Variants in ZFHX3 observed in about 807,000 individuals in gnomAD.
ZFHX3 encodes the protein zinc finger homeobox protein 3.
In ZFHX3, 42 loss-of-function variants were observed where a neutral mutation model predicts 279.1. The ratio of observed to expected loss-of-function variants is 0.15; its 90% CI spans 0.12 to 0.19. The LOEUF (loss-of-function observed/expected upper bound fraction) is 0.19, where lower values mean the gene tolerates loss of function less well. Among genes scored for constraint, ZFHX3 ranks in the 10% least tolerant of loss-of-function variants. The pLI, the probability that ZFHX3 is intolerant of heterozygous loss-of-function variation, is 1.00. For missense variants in ZFHX3, 4,981 were observed against 4,754.0 expected, an observed-to-expected ratio of 1.05 and a Z score of -1.40; for synonymous variants, 2,293 against 1,957.8, an observed-to-expected ratio of 1.17 and a Z score of -4.52.
chr16:73,064,064 G>A (rs1006798422), upstream of ZFHX3, among the ~76,000 whole-genome samples: 1 of 152,134 alleles, frequency 6.6e-6, no homozygotes, highest in African/African-American at 2.4e-5. Flanking sequence ...CCACGAGGAT[G>A]GCATTTAGGA....
At chr16:73,570,004 C>T (rs878903602) in intron 2 of ZFHX3, among the ~76,000 whole-genome samples, 3 of 152,186 alleles carry the variant, frequency 2.0e-5, no homozygotes, top group African/African-American at 7.2e-5. Context: ...CCAAGCTTTC[C>T]TTAAAAAACA....
chr16:73,760,357 G>A (rs2053851676), intron 1 of ZFHX3, among the ~76,000 whole-genome samples: 1 of 152,040 alleles, frequency 6.6e-6, no homozygotes, highest in African/African-American at 2.4e-5. Context: ...TTTACCAGAG[G>A]TACAAAAAGG....
chr16:73,773,868 T>G (rs2054047738), intron 1 of ZFHX3, among the ~76,000 whole-genome samples: 1 of 152,158 alleles, frequency 6.6e-6, no homozygotes, highest in African/African-American at 2.4e-5. Flanking sequence ...CCAGATGCAG[T>G]GGCTCATGCC....
intron 2 of ZFHX3, among the ~76,000 whole-genome samples, chr16:73,507,654 C>A (rs977947474): frequency 2.0e-5 from 3 of 151,944 alleles, no homozygotes; most frequent in Non-Finnish European, 4.4e-5. Context: ...CGCCACCATG[C>A]CTGGCTGATT....
chr16:73,591,691 T>TA (rs1567527637), intron 2 of ZFHX3, among the ~76,000 whole-genome samples: 1 of 5,510 alleles, frequency 1.8e-4, no homozygotes, highest in Non-Finnish European at 3.7e-4. Context: ...AGACTCTGTC[T>TA]CAAAAAAAAA....
In ZFHX3 at chr16:73,653,440, T is replaced by G. The variant is rs920625438; in HGVS notation, c.-1547+26740A>C. Among the ~76,000 whole-genome samples the G allele has an allele frequency of 3.3e-5, 5 of 152,076 alleles. No individual in the cohort carries two copies. In the East Asian group the frequency reaches 9.6e-4, roughly 29 times the overall value. ...AGAAATCATTAAACAAAAATAAAAC[T>G]AGAAAATCTCCCATCAGTTTGGAAA... On this transcript the variant is annotated intron_variant, in intron 2 of 17. Coordinates refer to the ZFHX3 transcript ENST00000641206.
rs139179739 is a variant in ZFHX3 at position 73,260,720 on chromosome 16, T to C, written c.-1193-3584A>G. On this transcript the variant is annotated intron_variant, in intron 4 of 17. Coordinates refer to the ZFHX3 transcript ENST00000641206. ...TTTTTTTTTTTTTGAGATGGAGCTT[T>C]GCTCTTGCCGCCCAGGCTGGAGTGC... is the stretch of plus-strand genomic sequence containing the variant. Among the ~76,000 whole-genome samples, 1,121 of 143,554 alleles carry C rather than the reference T, an allele frequency of 7.8e-3. 19 individuals carry two copies. The highest frequency in any genetic ancestry group is 0.026 in the South Asian group (112 of 4,302). 94.2% of individuals were successfully genotyped at this position (143,554 alleles called of 152,430 possible). A position where few individuals can be genotyped will look rare whatever the true frequency, so the allele number is the denominator to read the frequency against.
At chr16:72,840,374 ATACAAGAAC>A (rs1194243715) in intron 4 of ZFHX3, among the ~76,000 whole-genome samples, 1 of 152,204 alleles carries the variant, frequency 6.6e-6, no homozygotes, top group African/African-American at 2.4e-5. Flanking sequence ...GATGCAATCT[ATACAAGAAC>A]GACAGCCAGG....
At chr16:73,510,460 A>G (rs1340858381) in intron 2 of ZFHX3, among the ~76,000 whole-genome samples, 1 of 152,220 alleles carries the variant, frequency 6.6e-6, no homozygotes, top group Non-Finnish European at 1.5e-5. Context: ...CCATAACTAT[A>G]ACATCAATCA....
rs567919597 is a variant in ZFHX3, at chr16:73,580,075, T to C, written c.-1547+100105A>G. Among the ~76,000 whole-genome samples the C allele has an allele frequency of 6.4e-4, 97 of 151,072 alleles. 2 individuals carry two copies. In the South Asian group the frequency reaches 0.019, roughly 29 times the overall value. ...CTGTTATAAATATTAAATGAAAGCA[T>C]CCTGTCTTTAGTATTATGAAGAAAT... On this transcript the variant is annotated intron_variant, in intron 2 of 17. Transcript: ENST00000641206.
intron 3 of ZFHX3, among the ~76,000 whole-genome samples, chr16:73,387,661 A>C (rs1452124038): frequency 1.3e-5 from 2 of 152,076 alleles, no homozygotes; most frequent in Non-Finnish European, 2.9e-5. Flanking sequence ...TTTCTTTTCA[A>C]TTAAAACAAA....
chr16:73,642,252 T>G (rs1055010858), intron 2 of ZFHX3, among the ~76,000 whole-genome samples: 3 of 152,224 alleles, frequency 2.0e-5, no homozygotes, highest in African/African-American at 7.2e-5. Flanking sequence ...TGCCTGCAGC[T>G]CTGCTCTAAG....
At chr16:73,116,724 T>C (rs1400903934) in intron 7 of ZFHX3, among the ~76,000 whole-genome samples, 1 of 152,144 alleles carries the variant, frequency 6.6e-6, no homozygotes, top group Non-Finnish European at 1.5e-5. Context: ...CTAAGAGAGG[T>C]TCTTTCCACC....
intron 5 of ZFHX3, among the ~76,000 whole-genome samples, chr16:73,238,539 G>T (rs1473055819): frequency 1.3e-5 from 2 of 151,930 alleles, no homozygotes; most frequent in Middle Eastern, 3.4e-3. Context: ...TTTTCCTAGT[G>T]GCTTTTCCAA....
chr16:73,128,076 A>G (rs921656608), intron 7 of ZFHX3, among the ~76,000 whole-genome samples: 16 of 152,210 alleles, frequency 1.1e-4, no homozygotes, highest in African/African-American at 3.6e-4. Context: ...CAAAACTGCA[A>G]TGAATTTTGT....
intron 1 of ZFHX3, among the ~76,000 whole-genome samples, chr16:73,835,377 C>T (rs951050938): frequency 1.3e-5 from 2 of 150,944 alleles, no homozygotes; most frequent in African/African-American, 2.4e-5. Context: ...CTTTTCCCAC[C>T]GTCCCTCTTC....
intron 1 of ZFHX3, among the ~76,000 whole-genome samples, chr16:73,862,085 A>C: frequency 6.6e-6 from 1 of 152,158 alleles, no homozygotes; most frequent in East Asian, 1.9e-4. Context: ...GTTTAGGGAG[A>C]GACCAAGTGC....
chr16:72,933,659 A>G (rs958239208), intron 3 of ZFHX3, among the ~76,000 whole-genome samples: 1 of 152,084 alleles, frequency 6.6e-6, no homozygotes, highest in African/African-American at 2.4e-5. Context: ...TCCAGCATGC[A>G]CAGCCTCAAC....
chr16:72,993,743 T>C (rs1963177422), intron 1 of ZFHX3, among the ~76,000 whole-genome samples: 1 of 152,180 alleles, frequency 6.6e-6, no homozygotes, highest in Admixed American at 6.5e-5. Flanking sequence ...TGAACCTCTG[T>C]CCTCAGGAGA....
Sources: gnomAD v4.1 joint callset for allele counts (sites outside exome capture counted in the v4.1 genomes callset) on GRCh38, gnomAD v4.1.1 for gene constraint, MANE v1.5 for transcripts, NCBI Gene and HGNC (gene_info 2026-07-23, HGNC 2026-07-21) for gene names.